Variants in GUCD1 observed in about 807,000 individuals in gnomAD.
GUCD1 encodes the protein guanylyl cyclase domain containing 1, also known as protein GUCD1.
A neutral mutation model predicts 28.3 loss-of-function variants in GUCD1; 17 were observed. That is an observed-to-expected ratio of 0.60 (90% confidence interval 0.41 to 0.90). The LOEUF is 0.90. GUCD1 is among the 40% of genes least tolerant of loss of function. GUCD1 has a pLI of 0.00. For synonymous variants in GUCD1, 129 were observed against 123.3 expected, an observed-to-expected ratio of 1.05 and a Z score of -0.30; for missense variants, 279 against 305.5, an observed-to-expected ratio of 0.91 and a Z score of 0.65.
intron 5 of GUCD1, 36 bp from the exon 6 acceptor site, chr22:24,543,133 G>A (rs755338046): frequency 1.9e-5 from 28 of 1,489,226 alleles, no homozygotes. Context: ...GGGGTCAGTG[G>A]GTTGTGAGAG....
Position 24,547,987 on chromosome 22 carries a change from G to A in GUCD1, c.215C>T (p.Ala72Val). Residue 72 changes from alanine to valine, a missense_variant, in exon 3 of 6, where the codon GCC (alanine) becomes GTC (valine). By Grantham distance (64) the Ala-to-Val change is moderately conservative (BLOSUM62 0). Transcript: ENST00000435822. Reference protein sequence around the residue: ...LTRSIWTIDLAYLMHHFGVRH... With the variant: ...LTRSIWTIDLVYLMHHFGVRH... ...CACGCCAAAGTGGTGCATCAGGTAGGCCAGGTCGATGGTCCAGATGCTCCT... is the reference window on the plus strand; with the variant it reads ...CACGCCAAAGTGGTGCATCAGGTAGACCAGGTCGATGGTCCAGATGCTCCT... 1 of 1,614,148 alleles carries A rather than the reference G, an allele frequency of 6.2e-7. No homozygotes were observed. Among genetic ancestry groups the A allele is most frequent in the Non-Finnish European group, 8.5e-7 (1 of 1,180,002 alleles).
chr22:24,546,828 G>C (rs991732574), intron 4 of GUCD1, 86 bp downstream of exon 4: 1 of 1,239,244 alleles, frequency 8.1e-7, no homozygotes, highest in Admixed American at 1.7e-5. Context: ...AGCCTTTCCT[G>C]AACACCATCC....
At position 24,542,996 on chromosome 22, in the gene GUCD1, G is replaced by A. The variant is rs765255569; in HGVS notation, c.*10C>T. On this transcript the variant is annotated 3_prime_UTR_variant, in exon 6 of 6. Transcript: ENST00000435822. ...GGGTCCGAGGGCCTAGGCGCACCAG[G>A]CTCCTGCTGTCAGCTGTCCAAGTAG... is the stretch of plus-strand genomic sequence containing the variant. The A allele has an allele frequency of 5.0e-6, 8 of 1,602,708 alleles. No individual in the cohort carries two copies. The highest frequency in any genetic ancestry group is 4.4e-5 in the South Asian group (4 of 90,814).
upstream of GUCD1, chr22:24,555,147 C>T (rs1188750379): frequency 1.5e-6 from 2 of 1,309,026 alleles, no homozygotes; most frequent in East Asian, 3.1e-5. Context: ...CTGGGCCGCC[C>T]CAAGCGCCGC....
intron 5 of GUCD1, 115 bp downstream of exon 5, chr22:24,543,727 G>C: frequency 7.5e-7 from 1 of 1,329,812 alleles, no homozygotes; most frequent in Non-Finnish European, 1.0e-6. Context: ...TTGGGGAAAA[G>C]GTAGGGAGGG....
At chr22:24,549,604 C>T (rs371236766) in intron 1 of GUCD1, among the ~76,000 whole-genome samples, 141 of 152,236 alleles carry the variant, frequency 9.3e-4, no homozygotes, top group African/African-American at 3.2e-3. Flanking sequence ...CTGCGATTCC[C>T]GGGTGGCAAG....
rs759158423 is a variant in GUCD1, at chr22:24,544,097, G to A, written c.387-14C>T. The A allele has an allele frequency of 1.2e-6, 2 of 1,604,120 alleles. No individual in the cohort carries two copies. The highest frequency in any genetic ancestry group is 1.7e-5 in the Admixed American group (1 of 59,850). ...ACACTCACTGTGCTGTGGGCGGGAG[G>A]GGGGTCAGCTGGTGCTGCTGGGCCC... On this transcript the variant is annotated splice_polypyrimidine_tract_variant and intron_variant, in intron 4 of 5. Coordinates refer to ENST00000435822, the MANE Select transcript of GUCD1 (RefSeq NM_001284254.2).
Position 24,543,018 on chromosome 22 carries a change from G to A in GUCD1, c.708C>T (p.Tyr236=). ...CAGGCTCCTGCTGTCAGCTGTCCAA[G>A]TAGACAAAGAGGATGTCCTCATCTG... ...YGTDEDILFV[Y]LDS Residue 236 remains tyrosine (Y), a synonymous_variant, in exon 6 of 6, where the codon TAC becomes TAT. Transcript: ENST00000435822. The A allele has an allele frequency of 1.2e-6, 2 of 1,612,916 alleles. No homozygotes were observed. The highest frequency in any genetic ancestry group is 8.5e-7 in the Non-Finnish European group (1 of 1,178,874).
At chr22:24,545,812 C>T (rs1244287511) in intron 4 of GUCD1, among the ~76,000 whole-genome samples, 2 of 151,966 alleles carry the variant, frequency 1.3e-5, no homozygotes, top group African/African-American at 2.4e-5. Context: ...ACCATGATCT[C>T]GATCTCCTAA....
intron 1 of GUCD1, among the ~76,000 whole-genome samples, chr22:24,550,498 G>A (rs1388602749): frequency 1.1e-4 from 17 of 152,204 alleles, no homozygotes. Flanking sequence ...TAAAGAGGAA[G>A]AGACTTATCT....
At chr22:24,549,061 C>A in intron 1 of GUCD1, 60 bp from the exon 2 acceptor site, 1 of 1,211,868 alleles carries the variant, frequency 8.3e-7, no homozygotes, top group Non-Finnish European at 1.2e-6. Flanking sequence ...CTCCCACCCT[C>A]ATGGGAGCCA....
chr22:24,546,704 CT>C (rs2044736557), intron 4 of GUCD1, among the ~76,000 whole-genome samples: 1 of 152,230 alleles, frequency 6.6e-6, no homozygotes, highest in African/African-American at 2.4e-5. Flanking sequence ...GGATCCACCC[CT>C]GGTCAGAGCC....
upstream of GUCD1, chr22:24,555,777 C>A: frequency 6.5e-7 from 1 of 1,550,186 alleles, no homozygotes; most frequent in African/African-American, 1.4e-5. Context: ...CCCTCTCTGG[C>A]TCTTTGCCGG....
At chr22:24,549,974 GA>G (rs1465478338) in intron 1 of GUCD1, among the ~76,000 whole-genome samples, 1 of 152,222 alleles carries the variant, frequency 6.6e-6, no homozygotes, top group Non-Finnish European at 1.5e-5. Flanking sequence ...CAGGAGAAGG[GA>G]ACTGTCACGT....
chr22:24,555,705 C>A (rs1351480424), upstream of GUCD1: 130 of 1,550,576 alleles, frequency 8.4e-5, no homozygotes, highest in Non-Finnish European at 1.0e-4. Context: ...AGGGCCCAAG[C>A]CCCGCGTCTC....
upstream of GUCD1, chr22:24,555,357 C>A: frequency 7.3e-7 from 1 of 1,361,194 alleles, no homozygotes; most frequent in Non-Finnish European, 9.6e-7. Flanking sequence ...GGAAGCCCCG[C>A]CCCTTTCTTT....
At position 24,554,903 on chromosome 22, in the gene GUCD1, C is replaced by T. The variant is rs750634964; in HGVS notation, c.43+46G>A. On this transcript the variant is annotated intron_variant, in intron 1 of 5. Coordinates refer to ENST00000435822, the MANE Select transcript of GUCD1 (RefSeq NM_001284254.2). ...CCCTGCCCCGCGCTAGGGAGGGGTC[C>T]CTTTCGTTCCTAGGGTGAAGACTGG... 8 of 1,451,536 alleles carry T rather than the reference C, an allele frequency of 5.5e-6. No homozygotes were observed. The South Asian group carries it at 8.1e-5, about 15-fold the overall frequency. 89.9% of individuals were successfully genotyped at this position (1,451,536 alleles called of 1,614,324 possible). A position where few individuals can be genotyped will look rare whatever the true frequency, so the allele number is the denominator to read the frequency against.
rs543336540 is a variant in GUCD1 at position 24,549,055 on chromosome 22, C to T, written c.44-54G>A. 77 of 1,302,012 alleles carry T rather than the reference C, an allele frequency of 5.9e-5. No individual in the cohort carries two copies. In the African/African-American group the frequency reaches 9.8e-4, roughly 17 times the overall value. The allele number at this position is 1,302,012 out of a possible 1,614,324, so 80.7% of individuals were successfully genotyped here. A position where few individuals can be genotyped will look rare whatever the true frequency, so the allele number is the denominator to read the frequency against. ...CCCTCAGCGCAGAGCCCACCACTCC[C>T]ACCCTCATGGGAGCCAGTGTCACTG... is the stretch of plus-strand genomic sequence containing the variant. On this transcript the variant is annotated intron_variant, in intron 1 of 5. Coordinates refer to ENST00000435822, the MANE Select transcript of GUCD1 (RefSeq NM_001284254.2).
rs374556834 is a variant in GUCD1 at position 24,552,423 on chromosome 22, A to G, written c.43+2526T>C. 5.3e-4 allele frequency among the ~76,000 whole-genome samples: 80 copies of G among 152,322 alleles called. No individual in the cohort carries two copies. The South Asian group carries it at 0.016, about 31-fold the overall frequency. On this transcript the variant is annotated intron_variant, in intron 1 of 5. Coordinates refer to ENST00000435822, the MANE Select transcript of GUCD1 (RefSeq NM_001284254.2). ...GCTGATCTTGTTCACTGTTATTCTC[A>G]GTTGCTGGTGTTGAATGTTTAATAG...
Sources: allele counts gnomAD v4.1 joint callset (sites outside exome capture counted in the v4.1 genomes callset), GRCh38; gene constraint gnomAD v4.1.1; transcripts MANE v1.5; gene names NCBI Gene and HGNC (gene_info 2026-07-23, HGNC 2026-07-21).